The following CDC14B variants were observed in gnomAD, a reference collection of about 807,000 sequenced individuals.
CDC14B encodes the protein cell division cycle 14B, also known as dual specificity protein phosphatase CDC14B.
A neutral mutation model predicts 64.2 loss-of-function variants in CDC14B; 22 were observed. That is an observed-to-expected ratio of 0.34 (90% CI 0.24 to 0.49). CDC14B has a LOEUF of 0.49. Ranked by LOEUF, CDC14B falls within the 20% of genes least tolerant of loss-of-function variation. The pLI, the probability that CDC14B is intolerant of heterozygous loss-of-function variation, is 0.99. For missense variants in CDC14B, 498 were observed against 629.9 expected (o/e 0.79, Z 2.24); for synonymous variants, 191 against 215.8 (o/e 0.89, Z 1.01).
chr9:96,549,658 C>T (rs932544201), intron 5 of CDC14B, among the ~76,000 whole-genome samples: 2 of 149,146 alleles, frequency 1.3e-5, no homozygotes, highest in Non-Finnish European at 3.0e-5. Flanking sequence ...AGCAAGACTC[C>T]GTCTAAAAAA....
At chr9:96,592,656 C>T (rs993912807) in intron 1 of CDC14B, among the ~76,000 whole-genome samples, 5 of 151,916 alleles carry the variant, frequency 3.3e-5, no homozygotes, top group South Asian at 2.1e-4. Context: ...GCCTGTAGTC[C>T]CAGCTACTCA....
intron 4 of CDC14B, among the ~76,000 whole-genome samples, chr9:96,552,923 TA>T (rs1411563714): frequency 1.3e-5 from 2 of 151,098 alleles, no homozygotes; most frequent in Non-Finnish European, 3.0e-5. Context: ...ATTTCACTAA[TA>T]AAAAAAAAGA....
chr9:96,559,625 T>C (rs1436643395), intron 4 of CDC14B, among the ~76,000 whole-genome samples: 1 of 152,232 alleles, frequency 6.6e-6, no homozygotes, highest in Non-Finnish European at 1.5e-5. Flanking sequence ...TAGAAGCTTT[T>C]CTCCTGCTTT....
chr9:96,579,212 A>G (rs747336550), intron 1 of CDC14B, among the ~76,000 whole-genome samples: 13 of 152,096 alleles, frequency 8.5e-5, no homozygotes, highest in Non-Finnish European at 8.8e-5. Context: ...TTGACCCCCA[A>G]CGTGACTACA....
At chr9:96,564,201 C>T (rs1429805702) in intron 3 of CDC14B, among the ~76,000 whole-genome samples, 2 of 152,136 alleles carry the variant, frequency 1.3e-5, no homozygotes, top group Non-Finnish European at 1.5e-5. Context: ...GTTTTACATA[C>T]ATGAATGTGG....
Position 96,583,308 on chromosome 9 carries a change from T to C in CDC14B, c.161-17825A>G, listed in dbSNP as rs371863987. Among the ~76,000 whole-genome samples the C allele has an allele frequency of 4.0e-5, 6 of 151,766 alleles. No individual in the cohort carries two copies. The East Asian group carries it at 7.7e-4, about 20-fold the overall frequency. Reference sequence around the variant, plus strand: ...CTAACGAGACTGTCTTCAGGGATAGTGTTTGAAATGTCAGTCTGGATGCGT... The same window carrying C: ...CTAACGAGACTGTCTTCAGGGATAGCGTTTGAAATGTCAGTCTGGATGCGT... On this transcript the variant is annotated intron_variant, in intron 1 of 13. Transcript: ENST00000375241.
At chr9:96,511,685 A>G (rs1834929181) in intron 12 of CDC14B, among the ~76,000 whole-genome samples, 1 of 152,214 alleles carries the variant, frequency 6.6e-6, no homozygotes, top group Admixed American at 6.5e-5. Flanking sequence ...TGAGGGCCCC[A>G]TGAAACTAGC....
intron 1 of CDC14B, among the ~76,000 whole-genome samples, chr9:96,586,978 G>A (rs898051582): frequency 1.3e-5 from 2 of 151,970 alleles, no homozygotes; most frequent in Non-Finnish European, 2.9e-5. Context: ...TTCGAGACTA[G>A]CCTGGCCAAC....
At chr9:96,585,886 G>A (rs999667375) in intron 1 of CDC14B, among the ~76,000 whole-genome samples, 14 of 152,272 alleles carry the variant, frequency 9.2e-5, no homozygotes, top group South Asian at 6.2e-4. Flanking sequence ...TGGATAGACC[G>A]CATATATTCA....
At chr9:96,584,644 C>T (rs922474711) in intron 1 of CDC14B, among the ~76,000 whole-genome samples, 1 of 152,060 alleles carries the variant, frequency 6.6e-6, no homozygotes, top group African/African-American at 2.4e-5. Context: ...ATTAATAAAA[C>T]AGACTTTATT....
rs753113051 is a variant in CDC14B, at chr9:96,523,340, G to T, written c.1166C>A (p.Ala389Asp). The change falls in exon 11 of 14, where the codon GCC becomes GAC. Residue 389 changes from alanine to aspartate, a missense_variant. Ala to Asp is a moderately radical substitution (Grantham distance 126). Coordinates refer to ENST00000375241, the MANE Select transcript of CDC14B (RefSeq NM_033331.4). ...KGQENGQHRA[A>D]FSKLLSGVDD... ...AACGCCAGAGAGAAGTTTGGAGAAG[G>T]CTGCTCTGTGTTGTCCATTCTCCTG... 6.2e-7 allele frequency: 1 copy of T among 1,614,076 alleles called. No individual in the cohort carries two copies. Among genetic ancestry groups the T allele is most frequent in the South Asian group, 1.1e-5 (1 of 91,076 alleles).
At chr9:96,538,862 C>G in intron 7 of CDC14B, 1 of 481,290 alleles carries the variant, frequency 2.1e-6, no homozygotes, top group South Asian at 2.4e-5. Context: ...TAGAGTACAT[C>G]TCAGGTATTC....
chr9:96,617,589 T>C (rs1044110941), intron 1 of CDC14B, among the ~76,000 whole-genome samples: 1 of 152,114 alleles, frequency 6.6e-6, no homozygotes, highest in Non-Finnish European at 1.5e-5. Context: ...CGGAAAAATG[T>C]GCAAAACAAC....
intron 1 of CDC14B, among the ~76,000 whole-genome samples, chr9:96,595,685 G>A (rs1231039955): frequency 6.6e-6 from 1 of 152,166 alleles, no homozygotes; most frequent in Non-Finnish European, 1.5e-5. Context: ...CAAACATGCT[G>A]TATGAAAAGA....
intron 1 of CDC14B, among the ~76,000 whole-genome samples, chr9:96,617,299 C>CT (rs1847692506): frequency 6.6e-6 from 1 of 151,904 alleles, no homozygotes. Flanking sequence ...CTCACGAAGA[C>CT]TAGCCACATA....
intron 4 of CDC14B, among the ~76,000 whole-genome samples, chr9:96,558,676 G>C (rs1412893747): frequency 6.6e-6 from 1 of 152,020 alleles, no homozygotes; most frequent in Non-Finnish European, 1.5e-5. Flanking sequence ...AATTTGTTTT[G>C]AAAAGCACTT....
chr9:96,586,399 G>A (rs1167462483), intron 1 of CDC14B, among the ~76,000 whole-genome samples: 1 of 152,152 alleles, frequency 6.6e-6, no homozygotes, highest in Admixed American at 6.5e-5. Flanking sequence ...TCTTGAAATA[G>A]TAATTGTATC....
At chr9:96,494,289 G>A (rs567482229) in intron 13 of CDC14B, among the ~76,000 whole-genome samples, 12 of 152,358 alleles carry the variant, frequency 7.9e-5, no homozygotes, top group African/African-American at 2.6e-4. Flanking sequence ...GAAAAGGGAT[G>A]CCTGTACCTC....
At chr9:96,597,649 A>G (rs1042030636) in intron 1 of CDC14B, among the ~76,000 whole-genome samples, 1 of 113,018 alleles carries the variant, frequency 8.8e-6, no homozygotes, top group African/African-American at 3.4e-5. Flanking sequence ...AAGATGAAAG[A>G]GTTTATCACT....
Sources: gnomAD v4.1 joint callset for allele counts (sites outside exome capture counted in the v4.1 genomes callset) on GRCh38, gnomAD v4.1.1 for gene constraint, MANE v1.5 for transcripts, NCBI Gene and HGNC (gene_info 2026-07-23, HGNC 2026-07-21) for gene names.